Variants in BACH2 observed in about 807,000 individuals in gnomAD.
BACH2 encodes the protein BACH transcriptional regulator 2.
BACH2 carries 5 observed loss-of-function variants against 61.8 expected under a neutral mutation model. That is an observed-to-expected ratio of 0.08 (90% CI 0.04 to 0.17). The LOEUF is 0.17. Ranked by LOEUF, BACH2 falls within the 10% of genes least tolerant of loss-of-function variation. The pLI, the probability that BACH2 is intolerant of heterozygous loss-of-function variation, is 1.00. For synonymous variants in BACH2, 446 were observed against 440.1 expected, an observed-to-expected ratio of 1.01 and a Z score of -0.17; for missense variants, 824 against 1,091.1, an observed-to-expected ratio of 0.76 and a Z score of 3.45.
chr6:90,004,715 A>G (rs1262826290), intron 6 of BACH2, among the ~76,000 whole-genome samples: 1 of 152,186 alleles, frequency 6.6e-6, no homozygotes, highest in African/African-American at 2.4e-5. Flanking sequence ...AATGGCCTCC[A>G]TGACTATAGC....
intron 5 of BACH2, among the ~76,000 whole-genome samples, chr6:90,073,098 G>A (rs1781313962): frequency 6.6e-6 from 1 of 152,256 alleles, no homozygotes; most frequent in Non-Finnish European, 1.5e-5. Flanking sequence ...CATCTTCGCA[G>A]TAAGTTATCC....
chr6:90,056,711 CAT>C (rs1268945567), intron 5 of BACH2, among the ~76,000 whole-genome samples: 2 of 152,190 alleles, frequency 1.3e-5, no homozygotes. Flanking sequence ...AAATTGACCA[CAT>C]AGTTGGAAGT....
rs186936767 is a variant in BACH2 at position 90,198,202 on chromosome 6, G to C, written c.-162+8367C>G. 1.1e-4 allele frequency among the ~76,000 whole-genome samples: 16 copies of C among 152,296 alleles called. No homozygotes were observed. The East Asian group carries it at 2.3e-3, about 22-fold the overall frequency. On this transcript the variant is annotated intron_variant, in intron 4 of 8. Coordinates refer to ENST00000257749, the MANE Select transcript of BACH2 (RefSeq NM_021813.4). ...ATGCTGTATGTAACGGCTTGCACCT[G>C]TGGCTCATCCTCAGGCTTGTACCCA...
At chr6:90,193,190 T>C (rs2127845302) in intron 4 of BACH2, among the ~76,000 whole-genome samples, 1 of 152,292 alleles carries the variant, frequency 6.6e-6, no homozygotes, top group African/African-American at 2.4e-5. Flanking sequence ...ATGAATTATG[T>C]CCCCTCAAAA....
At chr6:90,198,918 G>C (rs1458181012) in intron 4 of BACH2, among the ~76,000 whole-genome samples, 1 of 152,140 alleles carries the variant, frequency 6.6e-6, no homozygotes, top group Non-Finnish European at 1.5e-5. Flanking sequence ...TTCCCATGCT[G>C]TTCTTGTGAC....
chr6:90,212,480 G>A (rs1321634174), intron 3 of BACH2, among the ~76,000 whole-genome samples: 8 of 152,186 alleles, frequency 5.3e-5, no homozygotes, highest in African/African-American at 7.2e-5. Context: ...CAGTGTCCTC[G>A]CCACCCCACA....
chr6:90,263,270 T>C (rs1308528272), intron 2 of BACH2, among the ~76,000 whole-genome samples: 2 of 152,168 alleles, frequency 1.3e-5, no homozygotes, highest in African/African-American at 4.8e-5. Flanking sequence ...TACACTGCTG[T>C]TAAAGGAAAC....
intron 5 of BACH2, among the ~76,000 whole-genome samples, chr6:90,081,981 C>T (rs1431328665): frequency 3.9e-5 from 6 of 151,966 alleles, no homozygotes; most frequent in African/African-American, 7.3e-5. Context: ...CCACAGCAAT[C>T]GGAAGAGATG....
At chr6:89,960,228 G>T (rs571009896) in intron 6 of BACH2, among the ~76,000 whole-genome samples, 1 of 152,240 alleles carries the variant, frequency 6.6e-6, no homozygotes, top group East Asian at 1.9e-4. Flanking sequence ...CCCTCTATTT[G>T]AAACACCTGG....
At chr6:90,162,466 T>C (rs1294846305) in intron 4 of BACH2, among the ~76,000 whole-genome samples, 1 of 151,892 alleles carries the variant, frequency 6.6e-6, no homozygotes, top group Non-Finnish European at 1.5e-5. Flanking sequence ...TAGTGAGACC[T>C]TGCTGCTACA....
chr6:90,130,341 C>T (rs1021352057), intron 4 of BACH2, among the ~76,000 whole-genome samples: 7 of 152,154 alleles, frequency 4.6e-5, no homozygotes, highest in Non-Finnish European at 1.0e-4. Flanking sequence ...AATGCAGCCA[C>T]CAGCTAGGAT....
chr6:90,295,767 T>A (rs1375037985), intron 1 of BACH2, among the ~76,000 whole-genome samples: 1 of 152,066 alleles, frequency 6.6e-6, no homozygotes, highest in East Asian at 1.9e-4. Context: ...AGGTCTTAGC[T>A]ACGCGGGACG....
chr6:90,188,839 A>T (rs752267998), intron 4 of BACH2, among the ~76,000 whole-genome samples: 2 of 151,944 alleles, frequency 1.3e-5, no homozygotes, highest in African/African-American at 4.8e-5. Context: ...ATAAAAAACA[A>T]CATCAGTTTC....
chr6:90,282,684 G>A (rs547699250), intron 1 of BACH2, among the ~76,000 whole-genome samples: 4 of 151,874 alleles, frequency 2.6e-5, no homozygotes, highest in Admixed American at 6.6e-5. Flanking sequence ...CTGCTGGGTT[G>A]AATGGTATTT....
intron 2 of BACH2, among the ~76,000 whole-genome samples, chr6:90,268,497 T>C (rs1026271394): frequency 2.0e-5 from 3 of 152,030 alleles, no homozygotes; most frequent in African/African-American, 7.3e-5. Context: ...AAACTGAGAG[T>C]AGACCTTTAG....
chr6:89,926,782 ACAAT>A lies in BACH2; in HGVS notation c.*5622_*5625del, dbSNP rs559281264. The stretch of plus-strand genomic sequence containing the variant: ...TACAATAAAAACCACGAGAAAAACC[ACAAT>A]CACTTAGAAAAAAATAAGGACAAGC... On this transcript the variant is annotated 3_prime_UTR_variant, in exon 9 of 9. Transcript: ENST00000257749. 6.5e-6 allele frequency: 1 copy of A among 152,730 alleles called. No homozygotes were observed. Among genetic ancestry groups the A allele is most frequent in the Admixed American group, 6.5e-5 (1 of 15,288 alleles). 9.5% of individuals were successfully genotyped at this position (152,730 alleles called of 1,614,324 possible). A position where few individuals can be genotyped will look rare whatever the true frequency, so the allele number is the denominator to read the frequency against.
At chr6:90,001,039 T>C (rs891523822) in intron 6 of BACH2, among the ~76,000 whole-genome samples, 13 of 152,220 alleles carry the variant, frequency 8.5e-5, no homozygotes, top group African/African-American at 3.1e-4. Flanking sequence ...CTGTGTGACA[T>C]AGGCTAGGAT....
chr6:89,990,359 C>T (rs187985404), intron 6 of BACH2, among the ~76,000 whole-genome samples: 172 of 152,282 alleles, frequency 1.1e-3, no homozygotes, highest in African/African-American at 3.6e-3. Flanking sequence ...AAGTCTGCTG[C>T]GAAATTCTCA....
intron 5 of BACH2, among the ~76,000 whole-genome samples, chr6:90,088,072 T>A: frequency 6.6e-6 from 1 of 151,490 alleles, no homozygotes; most frequent in African/African-American, 2.4e-5. Flanking sequence ...TCCCTCCTAC[T>A]CTCTATGTCC....
Sources: gnomAD v4.1 joint callset for allele counts (sites outside exome capture counted in the v4.1 genomes callset) on GRCh38, gnomAD v4.1.1 for gene constraint, MANE v1.5 for transcripts, NCBI Gene and HGNC (gene_info 2026-07-23, HGNC 2026-07-21) for gene names.